The following RMND5A variants were observed in gnomAD, a reference collection of about 807,000 sequenced individuals.
RMND5A encodes the protein required for meiotic nuclear division 5 homolog A.
A neutral mutation model predicts 49.7 loss-of-function variants in RMND5A; 17 were observed. The observed-to-expected ratio is 0.34, with a 90% CI of 0.23 to 0.51. The LOEUF is 0.51. Among genes scored for constraint, RMND5A ranks in the 20% least tolerant of loss-of-function variants. The probability of loss-of-function intolerance (pLI) is 0.96; values close to 1 mark genes in which losing one functional copy is unlikely to be tolerated. For missense variants in RMND5A, 255 were observed against 471.3 expected, an observed-to-expected ratio of 0.54 and a Z score of 4.25; for synonymous variants, 156 against 167.7, an observed-to-expected ratio of 0.93 and a Z score of 0.54.
At position 86,776,261 on chromosome 2, in the gene RMND5A, T is replaced by C. The variant is rs1672766915; in HGVS notation, c.*2850T>C. On this transcript the variant is annotated 3_prime_UTR_variant, in exon 9 of 9. Coordinates refer to ENST00000283632, the MANE Select transcript of RMND5A (RefSeq NM_022780.4). ...GATCACAGATGCTATTTCTGTTTTA[T>C]TGGTGATTATACGAGACTTCTAATA... The C allele has an allele frequency of 6.6e-6, 1 of 152,248 alleles. No homozygotes were observed. Among genetic ancestry groups the C allele is most frequent in the African/African-American group, 2.4e-5 (1 of 41,474 alleles). 9.4% of individuals were successfully genotyped at this position (152,248 alleles called of 1,614,324 possible).
At chr2:86,744,611 G>A (rs973447955) in intron 2 of RMND5A, among the ~76,000 whole-genome samples, 2 of 152,174 alleles carry the variant, frequency 1.3e-5, no homozygotes, top group African/African-American at 4.8e-5. Context: ...ATGTTTTAAA[G>A]TTCCCTACCT....
Position 86,773,403 on chromosome 2 carries a change from T to C in RMND5A, c.1168T>C (p.Phe390Leu), listed in dbSNP as rs770906935. ...AAGTCCAGGAGATGCCAAACAGATA[T>C]TTTTCTGAAGAGATAACTTTAGTTT... Reference protein sequence around the residue: ...EQSPGDAKQIFF With the variant: ...EQSPGDAKQILF The change falls in exon 9 of 9, where the codon TTT becomes CTT. Residue 390 changes from phenylalanine to leucine, a missense_variant. Coordinates refer to ENST00000283632, the MANE Select transcript of RMND5A (RefSeq NM_022780.4). 3 of 1,601,600 alleles carry C rather than the reference T, an allele frequency of 1.9e-6. No homozygotes were observed. Among genetic ancestry groups the C allele is most frequent in the Non-Finnish European group, 2.6e-6 (3 of 1,168,870 alleles).
chr2:86,765,567 A>G (rs1164329088), intron 5 of RMND5A: 3 of 363,188 alleles, frequency 8.3e-6, no homozygotes, highest in Non-Finnish European at 1.0e-5. Context: ...CTCTGCAGTC[A>G]GAGATAATGT....
At chr2:86,767,284 G>A (rs1157433432) in intron 6 of RMND5A, among the ~76,000 whole-genome samples, 1 of 152,104 alleles carries the variant, frequency 6.6e-6, no homozygotes, top group Non-Finnish European at 1.5e-5. Flanking sequence ...TGCTGGTCTC[G>A]AATTCCTGAC....
chr2:86,748,159 A>T (rs1681571013), intron 2 of RMND5A: 1 of 152,194 alleles, frequency 6.6e-6, no homozygotes, highest in South Asian at 2.1e-4. Flanking sequence ...CATGCAAATG[A>T]GCTTGGTTAC....
chr2:86,757,049 T>A (rs569404005), intron 4 of RMND5A, among the ~76,000 whole-genome samples: 1 of 152,162 alleles, frequency 6.6e-6, no homozygotes, highest in East Asian at 1.9e-4. Context: ...GGCGCATGCC[T>A]GTAATCCCAG....
chr2:86,771,354 A>G (rs1672682315), intron 7 of RMND5A: 2 of 469,824 alleles, frequency 4.3e-6, no homozygotes, highest in Non-Finnish European at 3.7e-6. Flanking sequence ...ACACTTTGTC[A>G]GCTTTCTTGA....
intron 2 of RMND5A, among the ~76,000 whole-genome samples, chr2:86,745,008 AT>A (rs10707332): frequency 0.67 from 100,136 of 149,670 alleles, 33,365 homozygotes; most frequent in East Asian, 0.89. Flanking sequence ...TTCTGTGACA[AT>A]TTTTTTTTTT....
chr2:86,772,031 G>T (rs1017799486), intron 8 of RMND5A, among the ~76,000 whole-genome samples: 6 of 152,180 alleles, frequency 3.9e-5, no homozygotes, highest in African/African-American at 1.4e-4. Context: ...GTATTTTGGA[G>T]ATCTTTTTCT....
At chr2:86,759,575 A>G (rs900762782) in intron 4 of RMND5A, among the ~76,000 whole-genome samples, 5 of 152,086 alleles carry the variant, frequency 3.3e-5, no homozygotes, top group Non-Finnish European at 7.3e-5. Flanking sequence ...TAAAAAAATT[A>G]TAGAGTTAAT....
intron 1 of RMND5A, among the ~76,000 whole-genome samples, chr2:86,734,461 A>G (rs1412155832): frequency 3.5e-5 from 5 of 144,270 alleles, no homozygotes; most frequent in Non-Finnish European, 6.0e-5. Context: ...TATTTTTATT[A>G]TTATTGTTTT....
chr2:86,771,535 ACT>A, intron 7 of RMND5A, 21 bp from the exon 8 acceptor site: 1 of 1,405,698 alleles, frequency 7.1e-7, no homozygotes, highest in Non-Finnish European at 9.6e-7. Flanking sequence ...CAGCTTTTTT[ACT>A]TTTTTTTTTT....
At chr2:86,766,581 T>C (rs1672598924) in intron 6 of RMND5A, among the ~76,000 whole-genome samples, 1 of 150,038 alleles carries the variant, frequency 6.7e-6, no homozygotes, top group South Asian at 2.1e-4. Context: ...GAAGAATCGC[T>C]TGAACCCAGG....
At chr2:86,752,296 C>CG (rs1295458676) in intron 3 of RMND5A, among the ~76,000 whole-genome samples, 1 of 152,028 alleles carries the variant, frequency 6.6e-6, no homozygotes, top group Non-Finnish European at 1.5e-5. Flanking sequence ...AATCAAAGGG[C>CG]GCAAAAGCGA....
chr2:86,766,839 A>T (rs937404011), intron 6 of RMND5A, among the ~76,000 whole-genome samples: 1 of 152,108 alleles, frequency 6.6e-6, no homozygotes, highest in East Asian at 1.9e-4. Flanking sequence ...AAACTTTTTT[A>T]AAAAAGGATG....
rs1279661092 is a variant in RMND5A at position 86,774,114 on chromosome 2, GTTTT to G, written c.*705_*708del. On this transcript the variant is annotated 3_prime_UTR_variant, in exon 9 of 9. Transcript: ENST00000283632. ...GGAAGGAGTACTATTGTTTGGTTGG[GTTTT>G]TGTTTGTTTGTTTTTTGTTTTTGCT... The G allele has an allele frequency of 6.6e-6, 1 of 152,536 alleles. No individual in the cohort carries two copies. Among genetic ancestry groups the G allele is most frequent in the Non-Finnish European group, 1.5e-5 (1 of 68,016 alleles). 9.4% of individuals were successfully genotyped at this position (152,536 alleles called of 1,614,324 possible).
intron 1 of RMND5A, 43 bp downstream of exon 1, chr2:86,720,852 C>T (rs896147335): frequency 3.3e-6 from 5 of 1,515,096 alleles, no homozygotes; most frequent in African/African-American, 2.9e-5. Context: ...GCCCACTGCC[C>T]GAGCCCCGGT....
chr2:86,745,254 AAT>A (rs1681517357), intron 2 of RMND5A, among the ~76,000 whole-genome samples: 1 of 152,200 alleles, frequency 6.6e-6, no homozygotes, highest in African/African-American at 2.4e-5. Context: ...GATGTGGTAT[AAT>A]TAAAAGCTGA....
At chr2:86,757,644 G>T (rs1210076356) in intron 4 of RMND5A, among the ~76,000 whole-genome samples, 1 of 152,164 alleles carries the variant, frequency 6.6e-6, no homozygotes, top group African/African-American at 2.4e-5. Flanking sequence ...CATATTGAAA[G>T]AAAGCACTAT....
Sources: allele counts gnomAD v4.1 joint callset (sites outside exome capture counted in the v4.1 genomes callset), GRCh38; gene constraint gnomAD v4.1.1; transcripts MANE v1.5; gene names NCBI Gene and HGNC (gene_info 2026-07-23, HGNC 2026-07-21).